TRAPPC10: variants seen among roughly 807,000 people sequenced by gnomAD.
TRAPPC10 encodes TRAPP 130 kDa subunit.
A neutral mutation model predicts 125.5 loss-of-function variants in TRAPPC10; 23 were observed. The observed-to-expected ratio is 0.18, with a 90% CI of 0.13 to 0.26. The LOEUF is 0.26. TRAPPC10 is among the 10% of genes least tolerant of loss of function. The pLI, the probability that TRAPPC10 is intolerant of heterozygous loss-of-function variation, is 1.00. For synonymous variants in TRAPPC10, 509 were observed against 518.0 expected (o/e 0.98, Z 0.24); for missense variants, 1,123 against 1,308.4 (o/e 0.86, Z 2.19).
Position 44,055,797 on chromosome 21 carries a change from T to C in TRAPPC10, c.582T>C (p.Phe194=), listed in dbSNP as rs768474777. The change falls in exon 5 of 23, where the codon TTT becomes TTC. Residue 194 remains phenylalanine, a synonymous_variant. Transcript: ENST00000291574. ...TKLRTLLLMS[F]TKNLGKFEDD... is the part of the protein sequence containing the mutation. ...TCAGGACATTGCTTCTTATGTCTTT[T>C]ACCAAAAACCTAGGCAAGTTTGAGG... 1.2e-6 allele frequency: 2 copies of C among 1,614,008 alleles called. No homozygotes were observed. The highest frequency in any genetic ancestry group is 1.1e-5 in the South Asian group (1 of 91,072).
intron 7 of TRAPPC10, among the ~76,000 whole-genome samples, chr21:44,071,396 G>T (rs974421443): frequency 6.6e-5 from 10 of 152,196 alleles, no homozygotes; most frequent in Admixed American, 3.3e-4. Flanking sequence ...CAATGAAAAA[G>T]TATCACTGCA....
intron 7 of TRAPPC10, among the ~76,000 whole-genome samples, chr21:44,071,199 G>A (rs944455418): frequency 4.6e-5 from 7 of 152,226 alleles, no homozygotes; most frequent in Admixed American, 4.6e-4. Flanking sequence ...GGTGGCCGAA[G>A]TCAGGAGCCG....
At chr21:44,057,543 G>C (rs563969072) in intron 5 of TRAPPC10, among the ~76,000 whole-genome samples, 1 of 151,992 alleles carries the variant, frequency 6.6e-6, no homozygotes, top group Non-Finnish European at 1.5e-5. Context: ...AGTGATCCTC[G>C]CAAAGTGCTG....
chr21:44,039,983 C>T (rs1319941128), intron 3 of TRAPPC10, among the ~76,000 whole-genome samples: 1 of 152,240 alleles, frequency 6.6e-6, no homozygotes. Flanking sequence ...TCTGTATTTG[C>T]TCAGTGCTAC....
In TRAPPC10 at chr21:44,059,641, C is replaced by T. The variant is rs1410251606; in HGVS notation, c.790+427C>T. On this transcript the variant is annotated intron_variant, in intron 6 of 22. Coordinates refer to ENST00000291574, the MANE Select transcript of TRAPPC10 (RefSeq NM_003274.5). The surrounding 1 kb of genome is among the most constrained non-coding windows in gnomAD (Gnocchi z 4.4). ...CTTGGGTGTTCATCTTTCTTTTGCA[C>T]TTTTAAATAATATCTTAAGCTCCTT... 1.7e-6 allele frequency: 1 copy of T among 601,524 alleles called. No homozygotes were observed. The highest frequency in any genetic ancestry group is 1.9e-5 in the African/African-American group (1 of 53,892). The allele number at this position is 601,524 out of a possible 1,614,324, so 37.3% of individuals were successfully genotyped here.
At chr21:44,090,919 G>C (rs1033629873) in intron 18 of TRAPPC10, among the ~76,000 whole-genome samples, 2 of 152,006 alleles carry the variant, frequency 1.3e-5, no homozygotes, top group Admixed American at 1.3e-4. Context: ...TCAGCCGGGC[G>C]TGGTGGCTCA....
chr21:44,021,696 A>G (rs1370199193), intron 1 of TRAPPC10, among the ~76,000 whole-genome samples: 1 of 152,190 alleles, frequency 6.6e-6, no homozygotes, highest in Non-Finnish European at 1.5e-5. Context: ...CAGTGTGCTA[A>G]GAATAGGAGA....
intron 2 of TRAPPC10, among the ~76,000 whole-genome samples, chr21:44,033,878 G>T (rs552171872): frequency 6.6e-6 from 1 of 151,970 alleles, no homozygotes; most frequent in African/African-American, 2.4e-5. Context: ...TAAATAAAAA[G>T]AAACTGTGTA....
chr21:44,058,851 G>A (rs1051559656), intron 5 of TRAPPC10, among the ~76,000 whole-genome samples: 2 of 152,180 alleles, frequency 1.3e-5, no homozygotes, highest in Admixed American at 6.5e-5. Flanking sequence ...CCAAGGACAG[G>A]GGGGTGACCA....
chr21:44,059,037 A>G lies in TRAPPC10; in HGVS notation c.679-66A>G, dbSNP rs918913847. 1.8e-5 allele frequency: 23 copies of G among 1,285,216 alleles called. No individual in the cohort carries two copies. The highest frequency in any genetic ancestry group is 2.4e-4 in the Middle Eastern group (1 of 4,086). 79.6% of individuals were successfully genotyped at this position (1,285,216 alleles called of 1,614,324 possible). A position where few individuals can be genotyped will look rare whatever the true frequency, so the allele number is the denominator to read the frequency against. On this transcript the variant is annotated intron_variant, in intron 5 of 22. Transcript: ENST00000291574. The surrounding 1 kb of genome is among the most constrained non-coding windows in gnomAD (Gnocchi z 4.4). ...CCTTTCTCTGTCGTTTAATGGCTACATACTGTTTCTTCTATACATTGATTT... is the reference window on the plus strand; with the variant it reads ...CCTTTCTCTGTCGTTTAATGGCTACGTACTGTTTCTTCTATACATTGATTT...
chr21:44,076,423 C>T (rs2037286886), intron 9 of TRAPPC10, 129 bp from the exon 10 acceptor site: 1 of 659,420 alleles, frequency 1.5e-6, no homozygotes, highest in Non-Finnish European at 2.7e-6. Flanking sequence ...TTTCCGTTGG[C>T]ATTGGCCGGT....
chr21:44,029,160 T>G (rs1300265015), intron 1 of TRAPPC10, among the ~76,000 whole-genome samples: 1 of 152,236 alleles, frequency 6.6e-6, no homozygotes, highest in African/African-American at 2.4e-5. Context: ...AGTGGCGTGA[T>G]CTCGGCTCAC....
At position 44,075,278 on chromosome 21, in the gene TRAPPC10, C is replaced by T. The variant is rs529098854; in HGVS notation, c.1300+125C>T. 274 of 667,504 alleles carry T rather than the reference C, an allele frequency of 4.1e-4. 4 individuals carry two copies. Among genetic ancestry groups the T allele is most frequent in the South Asian group, 2.3e-3 (125 of 53,622 alleles). 41.3% of individuals were successfully genotyped at this position (667,504 alleles called of 1,614,324 possible). ...ATTACTCACCATTTGGAAAATTATA[C>T]CCATTGTTAGCTGACTGGATTAAAG... On this transcript the variant is annotated intron_variant, in intron 9 of 22. Transcript: ENST00000291574.
intron 3 of TRAPPC10, 55 bp from the exon 4 acceptor site, chr21:44,052,225 T>C: frequency 6.9e-7 from 1 of 1,450,894 alleles, no homozygotes; most frequent in East Asian, 2.3e-5. Flanking sequence ...CATTTTGCTG[T>C]ATAAACTAAA....
intron 1 of TRAPPC10, among the ~76,000 whole-genome samples, chr21:44,013,423 T>C (rs1356446637): frequency 6.6e-6 from 1 of 152,238 alleles, no homozygotes; most frequent in Non-Finnish European, 1.5e-5. Flanking sequence ...ATTTTTGACC[T>C]TTGACAGTAT....
At chr21:44,070,146 T>G (rs1026153942) in intron 7 of TRAPPC10, among the ~76,000 whole-genome samples, 1 of 152,102 alleles carries the variant, frequency 6.6e-6, no homozygotes, top group Non-Finnish European at 1.5e-5. Context: ...ATAGCAGGCG[T>G]TCACCTAGGA....
At chr21:44,042,602 C>T (rs1473391644) in intron 3 of TRAPPC10, among the ~76,000 whole-genome samples, 1 of 152,136 alleles carries the variant, frequency 6.6e-6, no homozygotes, top group Non-Finnish European at 1.5e-5. Flanking sequence ...AATGTATTTT[C>T]TGTTTCCAGA....
At chr21:44,028,531 C>A (rs1473945105) in intron 1 of TRAPPC10, among the ~76,000 whole-genome samples, 2 of 152,218 alleles carry the variant, frequency 1.3e-5, no homozygotes, top group African/African-American at 4.8e-5. Flanking sequence ...GGCACCCCAG[C>A]TTCCTGACCT....
At chr21:44,055,282 G>GT (rs2035499337) in intron 4 of TRAPPC10, among the ~76,000 whole-genome samples, 1 of 152,052 alleles carries the variant, frequency 6.6e-6, no homozygotes, top group South Asian at 2.1e-4. Context: ...CCTGCCTCAT[G>GT]TTTTTGACTG....
Sources: allele counts gnomAD v4.1 joint callset (sites outside exome capture counted in the v4.1 genomes callset), GRCh38; gene constraint gnomAD v4.1.1; non-coding constraint Gnocchi (gnomAD v3.1); transcripts MANE v1.5; gene names NCBI Gene and HGNC (gene_info 2026-07-23, HGNC 2026-07-21).